The following LRRTM4 variants were observed in gnomAD, a reference collection of about 807,000 sequenced individuals.
The protein encoded by LRRTM4 is leucine rich repeat transmembrane neuronal 4, also known as leucine-rich repeat transmembrane neuronal protein 4.
A neutral mutation model predicts 47.6 loss-of-function variants in LRRTM4; 25 were observed. That is an observed-to-expected ratio of 0.53 (90% confidence interval 0.38 to 0.73). The LOEUF is 0.73. LRRTM4 is among the 30% of genes least tolerant of loss of function. LRRTM4 has a pLI of 0.00. For missense variants in LRRTM4, 638 were observed against 713.4 expected (o/e 0.89, Z 1.20); for synonymous variants, 311 against 269.5 (o/e 1.15, Z -1.51).
chr2:76,787,547 A>T (rs1273694085), intron 3 of LRRTM4, among the ~76,000 whole-genome samples: 1 of 152,094 alleles, frequency 6.6e-6, no homozygotes, highest in Non-Finnish European at 1.5e-5. Flanking sequence ...AAAGGAAAAA[A>T]GAAAGGAAGT....
intron 3 of LRRTM4, among the ~76,000 whole-genome samples, chr2:77,048,519 T>C (rs917110850): frequency 1.3e-5 from 2 of 152,044 alleles, no homozygotes; most frequent in African/African-American, 4.8e-5. Flanking sequence ...ATTAAAACCA[T>C]GCTGGAAAAG....
chr2:77,076,242 A>G (rs1158138359), intron 3 of LRRTM4, among the ~76,000 whole-genome samples: 1 of 152,184 alleles, frequency 6.6e-6, no homozygotes, highest in East Asian at 1.9e-4. Context: ...AGATAGAAAA[A>G]TTCCTTCAGT....
rs897161180 is a variant in LRRTM4 at position 77,330,325 on chromosome 2, T to A, written c.1551+187993A>T. The stretch of plus-strand genomic sequence containing the variant: ...TTACAATGTGCCCACATGGTTCAAA[T>A]GACTTGCTAACTACTCACAGAAGGA... On this transcript the variant is annotated intron_variant, in intron 3 of 3. Transcript: ENST00000409884. Among the ~76,000 whole-genome samples the A allele has an allele frequency of 5.9e-5, 9 of 152,212 alleles. No homozygotes were observed. In the East Asian group the frequency reaches 1.7e-3, roughly 29 times the overall value.
At chr2:76,904,255 G>C (rs113786785) in intron 3 of LRRTM4, among the ~76,000 whole-genome samples, 50 of 152,298 alleles carry the variant, frequency 3.3e-4, no homozygotes, top group African/African-American at 1.1e-3. Flanking sequence ...TTTATGAGAA[G>C]AATAACAACA....
At chr2:77,216,167 G>T (rs1674433641) in intron 3 of LRRTM4, among the ~76,000 whole-genome samples, 1 of 152,118 alleles carries the variant, frequency 6.6e-6, no homozygotes. Context: ...TGTCAAAAGG[G>T]TAGTAAAAAT....
At chr2:76,977,808 CGTT>C (rs974499320) in intron 3 of LRRTM4, among the ~76,000 whole-genome samples, 6 of 152,038 alleles carry the variant, frequency 3.9e-5, no homozygotes, top group African/African-American at 4.8e-5. Flanking sequence ...TTTTCGTTGT[CGTT>C]GTTGTTCAAA....
chr2:77,501,351 G>A (rs1035932762), intron 3 of LRRTM4, among the ~76,000 whole-genome samples: 33 of 150,252 alleles, frequency 2.2e-4, no homozygotes, highest in African/African-American at 6.6e-4. Flanking sequence ...TAGTCCATAC[G>A]CATAACATAT....
chr2:77,085,912 G>A (rs1680694248), intron 3 of LRRTM4, among the ~76,000 whole-genome samples: 1 of 152,112 alleles, frequency 6.6e-6, no homozygotes. Context: ...CAAAACTTAT[G>A]TGGGTAATGA....
intron 3 of LRRTM4, among the ~76,000 whole-genome samples, chr2:76,915,426 G>A (rs1422155836): frequency 1.3e-5 from 2 of 152,168 alleles, no homozygotes; most frequent in African/African-American, 4.8e-5. Context: ...TTAGTAATAG[G>A]CAAAGATTGT....
intron 3 of LRRTM4, among the ~76,000 whole-genome samples, chr2:76,948,678 A>G (rs1675402023): frequency 6.6e-6 from 1 of 151,850 alleles, no homozygotes; most frequent in South Asian, 2.1e-4. Context: ...ACTGAATTTC[A>G]AAAGAATTCA....
chr2:77,285,456 T>G (rs532099412), intron 3 of LRRTM4, among the ~76,000 whole-genome samples: 1 of 149,626 alleles, frequency 6.7e-6, no homozygotes, highest in Non-Finnish European at 1.5e-5. Context: ...TAAAAATAGA[T>G]CCTGGCCAGG....
At chr2:77,069,201 C>A (rs554112872) in intron 3 of LRRTM4, among the ~76,000 whole-genome samples, 1 of 152,132 alleles carries the variant, frequency 6.6e-6, no homozygotes, top group Non-Finnish European at 1.5e-5. Flanking sequence ...ATTTCTCTAG[C>A]GCCACTGGGT....
At chr2:77,460,759 A>C (rs1159057519) in intron 3 of LRRTM4, among the ~76,000 whole-genome samples, 1 of 152,054 alleles carries the variant, frequency 6.6e-6, no homozygotes, top group Admixed American at 6.6e-5. Context: ...CTGGTTCTCT[A>C]TTACTAAGTT....
intron 3 of LRRTM4, among the ~76,000 whole-genome samples, chr2:77,049,057 C>A (rs1679327049): frequency 6.8e-6 from 1 of 146,762 alleles, no homozygotes; most frequent in South Asian, 2.1e-4. Flanking sequence ...TTTAATATAT[C>A]TGAGCTCATC....
intron 3 of LRRTM4, among the ~76,000 whole-genome samples, chr2:76,940,647 A>C (rs566322847): frequency 6.6e-6 from 1 of 151,482 alleles, no homozygotes; most frequent in South Asian, 2.1e-4. Context: ...AATAAAACTT[A>C]AAAACAAACA....
intron 3 of LRRTM4, among the ~76,000 whole-genome samples, chr2:76,932,885 T>C (rs1674820385): frequency 1.3e-5 from 2 of 152,148 alleles, no homozygotes; most frequent in South Asian, 2.1e-4. Context: ...GGGGTACATA[T>C]GCAGAACATG....
intron 3 of LRRTM4, among the ~76,000 whole-genome samples, chr2:76,927,745 ATTC>A (rs756636165): frequency 2.0e-5 from 3 of 152,124 alleles, no homozygotes; most frequent in Admixed American, 1.3e-4. Flanking sequence ...GATGTTTGAT[ATTC>A]TTCTTAAGAA....
chr2:77,117,913 G>A (rs1451932642), intron 3 of LRRTM4, among the ~76,000 whole-genome samples: 5 of 151,880 alleles, frequency 3.3e-5, no homozygotes, highest in Admixed American at 1.3e-4. Context: ...TGGAATTCCT[G>A]TATTATAGAA....
At chr2:77,090,888 C>T (rs1044980804) in intron 3 of LRRTM4, among the ~76,000 whole-genome samples, 23 of 152,210 alleles carry the variant, frequency 1.5e-4, no homozygotes, top group African/African-American at 4.3e-4. Context: ...CCATCACGGA[C>T]GCCGAGCTTC....
Sources: allele counts gnomAD v4.1 joint callset (sites outside exome capture counted in the v4.1 genomes callset), GRCh38; gene constraint gnomAD v4.1.1; transcripts MANE v1.5; gene names NCBI Gene and HGNC (gene_info 2026-07-23, HGNC 2026-07-21).